Variants in SLC2A1 observed in about 807,000 individuals in gnomAD.
SLC2A1 encodes solute carrier family 2 member 1.
A neutral mutation model predicts 46.6 loss-of-function variants in SLC2A1; 4 were observed. That is an observed-to-expected ratio of 0.09 (90% CI 0.04 to 0.20). The LOEUF is 0.20. Ranked by LOEUF, SLC2A1 falls within the 10% of genes least tolerant of loss-of-function variation. The pLI is 1.00. For synonymous variants in SLC2A1, 253 were observed against 270.0 expected, an observed-to-expected ratio of 0.94 and a Z score of 0.62; for missense variants, 352 against 667.0, an observed-to-expected ratio of 0.53 and a Z score of 5.20.
rs763664146 is a variant in SLC2A1, at chr1:42,929,001, G to C, written c.1005C>G (p.Thr335=). The change falls in exon 8 of 10, where the codon ACC becomes ACG. Residue 335 remains threonine, a synonymous_variant. Coordinates refer to ENST00000426263, the MANE Select transcript of SLC2A1 (RefSeq NM_006516.4). The surrounding 1 kb of genome is among the most constrained non-coding windows in gnomAD (Gnocchi z 6.0). ...LFVVERAGRR[T]LHLIGLAGMA... The stretch of plus-strand genomic sequence containing the variant: ...TGCCAGCGAGGCCTATGAGGTGCAG[G>C]GTCCGCCGGCCTGCTCGCTCCACCA... The C allele has an allele frequency of 2.2e-5, 36 of 1,613,622 alleles. No individual in the cohort carries two copies. In the Admixed American group the frequency reaches 5.8e-4, roughly 26 times the overall value.
chr1:42,929,481 A>G lies in SLC2A1; in HGVS notation c.867+112T>C. The G allele has an allele frequency of 8.1e-7, 1 of 1,233,076 alleles. No individual in the cohort carries two copies. The highest frequency in any genetic ancestry group is 1.2e-6 in the Non-Finnish European group (1 of 842,538). 76.4% of individuals were successfully genotyped at this position (1,233,076 alleles called of 1,614,324 possible). A position where few individuals can be genotyped will look rare whatever the true frequency, so the allele number is the denominator to read the frequency against. On this transcript the variant is annotated intron_variant, in intron 6 of 9. Coordinates refer to ENST00000426263, the MANE Select transcript of SLC2A1 (RefSeq NM_006516.4). The surrounding 1 kb of genome is among the most constrained non-coding windows in gnomAD (Gnocchi z 6.0). ...CCTTACGGGCTTGGGGTCTAAAGGG[A>G]AACTTCTTCGGCAGAGGCGTATCTG...
At chr1:42,951,644 G>A (rs1324940879) in intron 1 of SLC2A1, 1 of 393,876 alleles carries the variant, frequency 2.5e-6, no homozygotes, top group East Asian at 3.6e-5. Context: ...ATGCTTCTCT[G>A]TAGTTGGCTC....
intron 1 of SLC2A1, among the ~76,000 whole-genome samples, chr1:42,957,901 C>T (rs1287584067): frequency 6.6e-6 from 1 of 152,198 alleles, no homozygotes; most frequent in Non-Finnish European, 1.5e-5. Flanking sequence ...GAGGGTAAAC[C>T]TGCCTCCGCG....
chr1:42,947,576 ACACAC>A (rs369964343), intron 1 of SLC2A1, among the ~76,000 whole-genome samples: 18 of 29,296 alleles, frequency 6.1e-4, no homozygotes, highest in South Asian at 1.6e-3. Flanking sequence ...ACACACACAC[ACACAC>A]AAAAAAAAAA....
chr1:42,943,916 C>T (rs1643623714), intron 1 of SLC2A1, among the ~76,000 whole-genome samples: 1 of 152,100 alleles, frequency 6.6e-6, no homozygotes, highest in African/African-American at 2.4e-5. Flanking sequence ...GATGTGATCC[C>T]ACCTTGCCCT....
chr1:42,956,944 G>A (rs969499727), intron 1 of SLC2A1, among the ~76,000 whole-genome samples: 1 of 152,082 alleles, frequency 6.6e-6, no homozygotes, highest in Non-Finnish European at 1.5e-5. Context: ...TGAGTAACCA[G>A]CAGGGCTATA....
In SLC2A1 at chr1:42,958,115, G is replaced by T. The variant is rs559195939; in HGVS notation, c.18+519C>A. 5.3e-5 allele frequency among the ~76,000 whole-genome samples: 8 copies of T among 152,240 alleles called. No homozygotes were observed. The South Asian group carries it at 1.7e-3, about 31-fold the overall frequency. On this transcript the variant is annotated intron_variant, in intron 1 of 9. Coordinates refer to ENST00000426263, the MANE Select transcript of SLC2A1 (RefSeq NM_006516.4). ...CCGGTGGGACACCTCGCACCAGGCC[G>T]CCCACCTACAGGGGCGTCCGGGCTA...
In SLC2A1 at chr1:42,928,944, C is replaced by T. The variant is rs748983257; in HGVS notation, c.1062G>A (p.Ala354=). 1.1e-5 allele frequency: 17 copies of T among 1,613,628 alleles called. No individual in the cohort carries two copies. The highest frequency in any genetic ancestry group is 4.5e-5 in the East Asian group (2 of 44,892). ...MAGCAILMTI[A]LALLEQLPWM... is the part of the protein sequence containing the mutation. ...CCTAGCAACTCACCAGCAGTGCTAGCGCGATGGTCATGAGTATGGCACAAC... is the reference window on the plus strand; with the variant it reads ...CCTAGCAACTCACCAGCAGTGCTAGTGCGATGGTCATGAGTATGGCACAAC... Residue 354 remains alanine (A), a synonymous_variant, in exon 8 of 10, where the codon GCG becomes GCA. Coordinates refer to ENST00000426263, the MANE Select transcript of SLC2A1 (RefSeq NM_006516.4).
Position 42,927,066 on chromosome 1 carries a change from G to C in SLC2A1, c.1454C>G (p.Pro485Arg), listed in dbSNP as rs1159593580. ...TCACACTTGGGAATCAGCCCCCAGG[G>C]GATGGAACAGCTCCTCGGGTGTCTT... ...SDKTPEELFH[P>R]LGADSQV The change falls in exon 10 of 10, where the codon CCC (proline) becomes CGC (arginine). Residue 485 changes from proline (P) to arginine (R), a missense_variant. Coordinates refer to ENST00000426263, the MANE Select transcript of SLC2A1 (RefSeq NM_006516.4). The surrounding 1 kb of genome is among the most constrained non-coding windows in gnomAD (Gnocchi z 5.3). 2 of 1,614,148 alleles carry C rather than the reference G, an allele frequency of 1.2e-6. No homozygotes were observed. The highest frequency in any genetic ancestry group is 1.7e-6 in the Non-Finnish European group (2 of 1,180,008).
intron 2 of SLC2A1, among the ~76,000 whole-genome samples, chr1:42,933,094 A>G (rs1643508844): frequency 6.6e-6 from 1 of 152,184 alleles, no homozygotes; most frequent in Non-Finnish European, 1.5e-5. Context: ...TAAAGTGCAG[A>G]CATTAGCAGG....
At position 42,926,454 on chromosome 1, in the gene SLC2A1, T is replaced by C. The variant is rs748209315; in HGVS notation, c.*587A>G. Reference sequence around the variant, plus strand: ...GGCCCTTCCCCTCTCCTCCCTGCACTCCAGTGCTCCCAACTGGTCTCAGGT... The same window carrying C: ...GGCCCTTCCCCTCTCCTCCCTGCACCCCAGTGCTCCCAACTGGTCTCAGGT... On this transcript the variant is annotated 3_prime_UTR_variant, in exon 10 of 10. Coordinates refer to ENST00000426263, the MANE Select transcript of SLC2A1 (RefSeq NM_006516.4). 2 of 242,224 alleles carry C rather than the reference T, an allele frequency of 8.3e-6. No individual in the cohort carries two copies. Among genetic ancestry groups the C allele is most frequent in the South Asian group, 5.1e-5 (1 of 19,748 alleles). The allele number at this position is 242,224 out of a possible 1,614,324, so 15.0% of individuals were successfully genotyped here.
At chr1:42,936,580 T>C (rs1298305566) in intron 2 of SLC2A1, among the ~76,000 whole-genome samples, 2 of 152,052 alleles carry the variant, frequency 1.3e-5, no homozygotes, top group African/African-American at 4.8e-5. Flanking sequence ...CCAACCCCCC[T>C]GCAGAGGGCT....
chr1:42,934,931 A>G (rs930560735), intron 2 of SLC2A1, among the ~76,000 whole-genome samples: 1 of 152,030 alleles, frequency 6.6e-6, no homozygotes, highest in African/African-American at 2.4e-5. Context: ...CCTATCCACC[A>G]AAGTCAGACC....
Position 42,956,425 on chromosome 1 carries a change from AAAAAAAAAC to A in SLC2A1, c.18+2200_18+2208del, listed in dbSNP as rs1459304302. Reference sequence around the variant, plus strand: ...AAAACTACAAAAAAAAAAAAAAAAAAAAAAAAAACATTAGCTGGGTGTGGTGGCACATGC... The same window carrying A: ...AAAACTACAAAAAAAAAAAAAAAAAAATTAGCTGGGTGTGGTGGCACATGC... On this transcript the variant is annotated intron_variant, in intron 1 of 9. Coordinates refer to ENST00000426263, the MANE Select transcript of SLC2A1 (RefSeq NM_006516.4). Among the ~76,000 whole-genome samples, 274 of 89,394 alleles carry A rather than the reference AAAAAAAAAC, an allele frequency of 3.1e-3. 2 individuals carry two copies. The highest frequency in any genetic ancestry group is 7.3e-3 in the South Asian group (22 of 3,006). 58.6% of individuals were successfully genotyped at this position (89,394 alleles called of 152,430 possible).
At chr1:42,935,282 T>C (rs1643530672) in intron 2 of SLC2A1, among the ~76,000 whole-genome samples, 1 of 152,112 alleles carries the variant, frequency 6.6e-6, no homozygotes, top group Non-Finnish European at 1.5e-5. Context: ...TGGCTTCTGG[T>C]ACGCGAAGCT....
In SLC2A1 at chr1:42,929,417, G is replaced by T; in HGVS notation, c.868-103C>A. 1 of 1,135,092 alleles carries T rather than the reference G, an allele frequency of 8.8e-7. No homozygotes were observed. The highest frequency in any genetic ancestry group is 1.3e-6 in the Non-Finnish European group (1 of 763,568). 70.3% of individuals were successfully genotyped at this position (1,135,092 alleles called of 1,614,324 possible). A position where few individuals can be genotyped will look rare whatever the true frequency, so the allele number is the denominator to read the frequency against. ...CCCAGGATGAGTAAAGAATGAAGGGGACAAATACTCAGGCAGAAGGGACAC... is the reference window on the plus strand; with the variant it reads ...CCCAGGATGAGTAAAGAATGAAGGGTACAAATACTCAGGCAGAAGGGACAC... On this transcript the variant is annotated intron_variant, in intron 6 of 9. Transcript: ENST00000426263. The surrounding 1 kb of genome is among the most constrained non-coding windows in gnomAD (Gnocchi z 6.0).
chr1:42,930,204 C>T lies in SLC2A1; in HGVS notation c.517-169G>A, dbSNP rs1309435586. The stretch of plus-strand genomic sequence containing the variant: ...TGTTTCTCAGTTTCCTCATCGGTCA[C>T]ATGGGAAAAGTAGGACCTACCCCAC... On this transcript the variant is annotated intron_variant, in intron 4 of 9. Coordinates refer to ENST00000426263, the MANE Select transcript of SLC2A1 (RefSeq NM_006516.4). The surrounding 1 kb of genome is among the most constrained non-coding windows in gnomAD (Gnocchi z 6.2). The T allele has an allele frequency of 1.3e-6, 1 of 772,026 alleles. No individual in the cohort carries two copies. The highest frequency in any genetic ancestry group is 2.2e-6 in the Non-Finnish European group (1 of 461,046). 47.8% of individuals were successfully genotyped at this position (772,026 alleles called of 1,614,324 possible).
intron 1 of SLC2A1, among the ~76,000 whole-genome samples, chr1:42,944,076 A>G (rs548036813): frequency 1.3e-5 from 2 of 152,250 alleles, no homozygotes; most frequent in African/African-American, 4.8e-5. Flanking sequence ...TAAGCCTCCC[A>G]AGGTTATATG....
chr1:42,940,325 A>G (rs1263823609), intron 2 of SLC2A1, among the ~76,000 whole-genome samples: 1 of 152,122 alleles, frequency 6.6e-6, no homozygotes, highest in Non-Finnish European at 1.5e-5. Flanking sequence ...TGCATTCAGC[A>G]ATGTGGAGAG....
Sources: allele counts gnomAD v4.1 joint callset (sites outside exome capture counted in the v4.1 genomes callset), GRCh38; gene constraint gnomAD v4.1.1; non-coding constraint Gnocchi (gnomAD v3.1); transcripts MANE v1.5; gene names NCBI Gene and HGNC (gene_info 2026-07-23, HGNC 2026-07-21).